NR3C2: variants seen among roughly 807,000 people sequenced by gnomAD.
NR3C2 encodes the protein mineralocorticoid receptor.
Under a neutral mutation model 86.4 loss-of-function variants are expected in NR3C2, and 15 were observed. The ratio of observed to expected loss-of-function variants is 0.17; its 90% CI spans 0.12 to 0.27. The LOEUF (loss-of-function observed/expected upper bound fraction) is 0.27, where lower values mean the gene tolerates loss of function less well. Among genes scored for constraint, NR3C2 ranks in the 10% least tolerant of loss-of-function variants. NR3C2 has a pLI of 1.00. For missense variants in NR3C2, 960 were observed against 1,195.6 expected (o/e 0.80, Z 2.91); for synonymous variants, 458 against 450.5 (o/e 1.02, Z -0.21).
At chr4:148,250,380 C>T (rs1386219180) in intron 3 of NR3C2, among the ~76,000 whole-genome samples, 1 of 152,122 alleles carries the variant, frequency 6.6e-6, no homozygotes, top group Admixed American at 6.5e-5. Context: ...TATATGGTGT[C>T]ATAAGCTGCT....
intron 3 of NR3C2, among the ~76,000 whole-genome samples, chr4:148,203,540 C>T (rs554213310): frequency 6.6e-6 from 1 of 151,784 alleles, no homozygotes; most frequent in South Asian, 2.1e-4. Flanking sequence ...ACTTACATAA[C>T]CTTGTTTAAC....
At chr4:148,163,993 A>C (rs1734776509) in intron 4 of NR3C2, among the ~76,000 whole-genome samples, 1 of 152,226 alleles carries the variant, frequency 6.6e-6, no homozygotes, top group Non-Finnish European at 1.5e-5. Flanking sequence ...AAAGGGGGTG[A>C]GAAGAGGATC....
At chr4:148,400,702 T>C (rs1003971741) in intron 2 of NR3C2, among the ~76,000 whole-genome samples, 2 of 136,944 alleles carry the variant, frequency 1.5e-5, no homozygotes, top group African/African-American at 5.6e-5. Context: ...TGCATGAACC[T>C]GGGAGGCGGA....
intron 6 of NR3C2, among the ~76,000 whole-genome samples, chr4:148,142,376 T>C (rs544078326): frequency 6.6e-6 from 1 of 152,106 alleles, no homozygotes; most frequent in Non-Finnish European, 1.5e-5. Flanking sequence ...CTAGGACCTA[T>C]AGATCCTAGA....
chr4:148,282,659 G>T (rs1227513368), intron 2 of NR3C2, among the ~76,000 whole-genome samples: 2 of 152,178 alleles, frequency 1.3e-5, no homozygotes, highest in Non-Finnish European at 2.9e-5. Context: ...GTGTGTGGGA[G>T]TGGGGGAGTT....
chr4:148,208,484 G>A (rs1737117261), intron 3 of NR3C2: 1 of 152,230 alleles, frequency 6.6e-6, no homozygotes, highest in Admixed American at 6.5e-5. Context: ...CATTCCTTGT[G>A]TTAATGCCTA....
chr4:148,096,996 C>T (rs1158234715), intron 8 of NR3C2, among the ~76,000 whole-genome samples: 1 of 152,156 alleles, frequency 6.6e-6, no homozygotes, highest in Non-Finnish European at 1.5e-5. Context: ...ATGTCTCCAT[C>T]TTATTTAGGA....
chr4:148,325,148 GAGAC>G (rs1190232917), intron 2 of NR3C2, among the ~76,000 whole-genome samples: 7 of 135,984 alleles, frequency 5.1e-5, no homozygotes, highest in African/African-American at 1.6e-4. Flanking sequence ...GAGAGAGAGA[GAGAC>G]AGAGTGTGTG....
chr4:148,319,850 C>G (rs1231802852), intron 2 of NR3C2, among the ~76,000 whole-genome samples: 1 of 145,198 alleles, frequency 6.9e-6, no homozygotes, highest in Admixed American at 6.8e-5. Context: ...TCCTCTTTTC[C>G]TAATTGAATA....
rs557894877 is a variant in NR3C2, at chr4:148,110,819, A to C, written c.2799+3285T>G. On this transcript the variant is annotated intron_variant, in intron 8 of 8. Coordinates refer to ENST00000358102, the MANE Select transcript of NR3C2 (RefSeq NM_000901.5). ...ACTACCCTTCCATTTGAAACAACCA[A>C]AAGTTCTCAAAATAAAGACCATGAA... Among the ~76,000 whole-genome samples the C allele has an allele frequency of 2.7e-4, 41 of 152,338 alleles. 1 individual carries two copies. The East Asian group carries it at 7.9e-3, about 29-fold the overall frequency.
chr4:148,363,065 TC>T, intron 2 of NR3C2, among the ~76,000 whole-genome samples: 1 of 152,258 alleles, frequency 6.6e-6, no homozygotes, highest in East Asian at 1.9e-4. Context: ...TGCCTTGCCT[TC>T]CTGTGCTCCA....
At chr4:148,366,416 C>CTTTTTAAAAAGT (rs2126344630) in intron 2 of NR3C2, among the ~76,000 whole-genome samples, 1 of 152 alleles carries the variant, frequency 6.6e-3, no homozygotes, top group African/African-American at 0.029. Context: ...ACCCCAAATT[C>CTTTTTAAAAAGT]ACTCCTTGAA....
At chr4:148,174,931 A>C (rs1257062595) in intron 4 of NR3C2, among the ~76,000 whole-genome samples, 1 of 152,190 alleles carries the variant, frequency 6.6e-6, no homozygotes, top group East Asian at 1.9e-4. Flanking sequence ...TTAAATGTAC[A>C]GCTTATCAAA....
At chr4:148,218,715 G>A (rs576943367) in intron 3 of NR3C2, among the ~76,000 whole-genome samples, 2 of 152,212 alleles carry the variant, frequency 1.3e-5, no homozygotes, top group East Asian at 3.9e-4. Context: ...TCTAGTTTCT[G>A]TCTCTTTAGG....
intron 4 of NR3C2, among the ~76,000 whole-genome samples, chr4:148,163,527 G>A (rs1408446764): frequency 6.6e-6 from 1 of 152,144 alleles, no homozygotes; most frequent in East Asian, 1.9e-4. Flanking sequence ...TTGAGAGAAT[G>A]TCTAGCACCA....
chr4:148,118,272 G>A (rs916134753), intron 7 of NR3C2, among the ~76,000 whole-genome samples: 5 of 152,058 alleles, frequency 3.3e-5, no homozygotes, highest in Non-Finnish European at 7.4e-5. Context: ...CAAGTCCCTG[G>A]CATGCTGGCA....
At chr4:148,226,583 T>A (rs1738177206) in intron 3 of NR3C2, among the ~76,000 whole-genome samples, 1 of 152,150 alleles carries the variant, frequency 6.6e-6, no homozygotes, top group African/African-American at 2.4e-5. Flanking sequence ...GGGAGTGGAA[T>A]TCCTGGGTCA....
At chr4:148,145,386 T>C (rs985450393) in intron 6 of NR3C2, among the ~76,000 whole-genome samples, 1 of 152,204 alleles carries the variant, frequency 6.6e-6, no homozygotes, top group African/African-American at 2.4e-5. Flanking sequence ...CCGGAAAGCA[T>C]GCCAACGTGT....
intron 2 of NR3C2, among the ~76,000 whole-genome samples, chr4:148,314,219 G>C (rs1308836023): frequency 6.6e-6 from 1 of 152,144 alleles, no homozygotes; most frequent in Non-Finnish European, 1.5e-5. Flanking sequence ...TATGACAAGA[G>C]GGAGAGAAAG....
Sources: allele counts gnomAD v4.1 joint callset (sites outside exome capture counted in the v4.1 genomes callset), GRCh38; gene constraint gnomAD v4.1.1; transcripts MANE v1.5; gene names NCBI Gene and HGNC (gene_info 2026-07-23, HGNC 2026-07-21).